Variants in PAX9 observed in about 807,000 individuals in gnomAD.
The protein encoded by PAX9 is paired box protein Pax-9.
PAX9 carries 6 observed loss-of-function variants against 29.1 expected under a neutral mutation model. The observed-to-expected ratio is 0.21, with a 90% CI of 0.11 to 0.41. The LOEUF (loss-of-function observed/expected upper bound fraction) is 0.41, where lower values mean the gene tolerates loss of function less well. Ranked by LOEUF, PAX9 falls within the 10% of genes least tolerant of loss-of-function variation. The pLI is 1.00. For missense variants in PAX9, 443 were observed against 479.1 expected (o/e 0.92, Z 0.70); for synonymous variants, 217 against 211.7 (o/e 1.03, Z -0.22).
In PAX9 at chr14:36,661,877, T is replaced by A; in HGVS notation, c.-213T>A. On this transcript the variant is annotated 5_prime_UTR_variant, in exon 1 of 4. Transcript: ENST00000361487. ...CCCTGCTCAGCCCAGCCCACGTTGC[T>A]GCTTAGATTGAAATGCAGAACTCAA... is the stretch of plus-strand genomic sequence containing the variant. 1.5e-6 allele frequency: 1 copy of A among 651,164 alleles called. No homozygotes were observed. 40.3% of individuals were successfully genotyped at this position (651,164 alleles called of 1,614,324 possible).
chr14:36,663,717 C>T (rs1052853695), intron 2 of PAX9, among the ~76,000 whole-genome samples, 194 bp downstream of exon 2: 1 of 152,230 alleles, frequency 6.6e-6, no homozygotes, highest in Non-Finnish European at 1.5e-5. Flanking sequence ...GTTTCCTTGC[C>T]ACACACAGTC....
In PAX9 at chr14:36,663,086, C is replaced by T. The variant is rs1881344517; in HGVS notation, c.194C>T (p.Ser65Leu). 1 of 1,613,934 alleles carries T rather than the reference C, an allele frequency of 6.2e-7. No homozygotes were observed. Among genetic ancestry groups the T allele is most frequent in the Non-Finnish European group, 8.5e-7 (1 of 1,180,028 alleles). ...KILARYNETG[S>L]ILPGAIGGSK... ...CTGGCGCGATACAACGAGACGGGCT[C>T]GATCTTGCCAGGAGCCATCGGGGGC... The change falls in exon 2 of 4, where the codon TCG (serine) becomes TTG (leucine). Residue 65 changes from serine (S) to leucine (L), a missense_variant. By Grantham distance (145) the Ser-to-Leu change is moderately radical (BLOSUM62 -2). Transcript: ENST00000361487.
chr14:36,666,425 G>A, intron 2 of PAX9, 37 bp from the exon 3 acceptor site: 1 of 1,600,600 alleles, frequency 6.2e-7, no homozygotes, highest in South Asian at 1.1e-5. Flanking sequence ...CGCGCGGGCT[G>A]GGCCTCCGGC....
chr14:36,657,678 C>T (rs1353732884), upstream of PAX9: 1 of 152,234 alleles, frequency 6.6e-6, no homozygotes, highest in African/African-American at 2.4e-5. Flanking sequence ...CGCAGAACGC[C>T]GGGACGCATT....
intron 3 of PAX9, among the ~76,000 whole-genome samples, chr14:36,668,639 G>A (rs904585874): frequency 3.9e-5 from 6 of 151,984 alleles, no homozygotes; most frequent in Non-Finnish European, 5.9e-5. Context: ...CACCCACCTC[G>A]GCCTCCCAAA....
At chr14:36,659,918 C>T (rs1881192494), upstream of PAX9, among the ~76,000 whole-genome samples, 1 of 152,210 alleles carries the variant, frequency 6.6e-6, no homozygotes, top group East Asian at 1.9e-4. Context: ...CCCCGCGGGA[C>T]ATGAGGTCTT....
chr14:36,664,346 C>T (rs1367236882), intron 2 of PAX9, among the ~76,000 whole-genome samples: 7 of 149,206 alleles, frequency 4.7e-5, no homozygotes, highest in Non-Finnish European at 1.0e-4. Flanking sequence ...GAGCCTGCCA[C>T]TTTCCTTTGG....
intron 3 of PAX9, among the ~76,000 whole-genome samples, chr14:36,672,362 T>A (rs911113592): frequency 1.3e-5 from 2 of 152,180 alleles, no homozygotes; most frequent in African/African-American, 4.8e-5. Context: ...TTAAACCGAT[T>A]TGGGACGTTT....
intron 2 of PAX9, 101 bp from the exon 3 acceptor site, chr14:36,666,361 G>A (rs79228984): frequency 6.7e-7 from 1 of 1,485,554 alleles, no homozygotes; most frequent in Non-Finnish European, 9.0e-7. Flanking sequence ...CCGACCCAAG[G>A]TCTAAGCCCT....
Position 36,663,358 on chromosome 14 carries a change from T to G in PAX9, c.466T>G (p.Tyr156Asp). The G allele has an allele frequency of 6.2e-7, 1 of 1,614,042 alleles. No individual in the cohort carries two copies. The highest frequency in any genetic ancestry group is 8.5e-7 in the Non-Finnish European group (1 of 1,180,020). ...GCCGACGCCGCAGCCAGCGCTGCCC[T>G]ACAACCACATCTACTCGTACCCCAG... ...HQPTPQPALP[Y>D]NHIYSYPSPI... The change falls in exon 2 of 4, where the codon TAC becomes GAC. Residue 156 changes from tyrosine (Y) to aspartate (D), a missense_variant. Physicochemically the swap from Tyr to Asp is radical, Grantham distance 160 (BLOSUM62 -3). This residue lies in a region of PAX9 where 336 missense variants were observed against 317.2 expected (regional missense o/e 1.06). Transcript: ENST00000361487.
upstream of PAX9, chr14:36,658,749 C>T (rs574315727): frequency 6.6e-6 from 1 of 152,366 alleles, no homozygotes; most frequent in South Asian, 2.1e-4. Flanking sequence ...GGTGACTGCC[C>T]GCGGCACTGG....
chr14:36,658,197 C>A (rs1051197476), upstream of PAX9, among the ~76,000 whole-genome samples: 1 of 152,172 alleles, frequency 6.6e-6, no homozygotes, highest in Admixed American at 6.5e-5. Context: ...CTCTGCACCG[C>A]GCGCAATGCC....
Position 36,661,913 on chromosome 14 carries a change from T to C in PAX9, c.-177T>C, listed in dbSNP as rs567657540. ...AAATGCAGAACTCAAGCCTCTTTCA[T>C]CGGGGCACAGACTTCCTTTTACTTC... On this transcript the variant is annotated 5_prime_UTR_variant, in exon 1 of 4. Transcript: ENST00000361487. 1 of 749,576 alleles carries C rather than the reference T, an allele frequency of 1.3e-6. No homozygotes were observed. Among genetic ancestry groups the C allele is most frequent in the Non-Finnish European group, 2.3e-6 (1 of 432,874 alleles). 46.4% of individuals were successfully genotyped at this position (749,576 alleles called of 1,614,324 possible). A position where few individuals can be genotyped will look rare whatever the true frequency, so the allele number is the denominator to read the frequency against.
rs147083517 is a variant in PAX9 at position 36,665,412 on chromosome 14, T to A, written c.632-1050T>A. Among the ~76,000 whole-genome samples, 962 of 152,320 alleles carry A rather than the reference T, an allele frequency of 6.3e-3. 14 individuals carry two copies. The highest frequency in any genetic ancestry group is 0.022 in the African/African-American group (894 of 41,576). On this transcript the variant is annotated intron_variant, in intron 2 of 3. Coordinates refer to ENST00000361487, the MANE Select transcript of PAX9 (RefSeq NM_001372076.1). ...CACTCTTTTAAAGCACTGTGTTAGA[T>A]GGAAGTGTTTAAAATCAAGTTACAA...
At chr14:36,662,162 GGGA>G in intron 1 of PAX9, 69 bp downstream of exon 1, 2 of 1,255,270 alleles carry the variant, frequency 1.6e-6, no homozygotes, top group Non-Finnish European at 1.1e-6. Context: ...AAGGGAGGGA[GGGA>G]GGGAGGGAGC....
intron 3 of PAX9, among the ~76,000 whole-genome samples, chr14:36,668,388 A>ATTAT (rs374823933): frequency 0.064 from 9,655 of 151,864 alleles, 488 homozygotes; most frequent in African/African-American, 0.14. Flanking sequence ...CTTTATACTT[A>ATTAT]TTATTTATTT....
upstream of PAX9, among the ~76,000 whole-genome samples, chr14:36,660,589 A>C (rs1333955756): frequency 6.6e-6 from 1 of 152,188 alleles, no homozygotes; most frequent in Non-Finnish European, 1.5e-5. Context: ...GGGACCAGTC[A>C]GCTTCTCTGG....
In PAX9 at chr14:36,678,707, C is replaced by G; in HGVS notation, c.*2255C>G. The G allele has an allele frequency of 8.2e-7, 1 of 1,220,340 alleles. No individual in the cohort carries two copies. Among genetic ancestry groups the G allele is most frequent in the South Asian group, 3.7e-5 (1 of 27,118 alleles). The allele number at this position is 1,220,340 out of a possible 1,614,324, so 75.6% of individuals were successfully genotyped here. A position where few individuals can be genotyped will look rare whatever the true frequency, so the allele number is the denominator to read the frequency against. On this transcript the variant is annotated 3_prime_UTR_variant, in exon 4 of 4. Transcript: ENST00000361487. Reference sequence around the variant, plus strand: ...ATGCAAATAATGTTATTTTCTTTATCTAAATTAAGAAATCTCTTGTTATTG... The same window carrying G: ...ATGCAAATAATGTTATTTTCTTTATGTAAATTAAGAAATCTCTTGTTATTG...
At chr14:36,668,065 TTAAG>T (rs1881570818) in intron 3 of PAX9, among the ~76,000 whole-genome samples, 1 of 152,220 alleles carries the variant, frequency 6.6e-6, no homozygotes, top group South Asian at 2.1e-4. Context: ...TAAGCATTTA[TTAAG>T]TATTGTCTGT....
Sources: gnomAD v4.1 joint callset for allele counts (sites outside exome capture counted in the v4.1 genomes callset) on GRCh38, gnomAD v4.1.1 for gene constraint, gnomAD v4.1.1 regional missense constraint, MANE v1.5 for transcripts, NCBI Gene and HGNC (gene_info 2026-07-23, HGNC 2026-07-21) for gene names.